ZFHX4: variants seen among roughly 807,000 people sequenced by gnomAD.
ZFHX4 encodes zinc finger homeobox protein 4.
A neutral mutation model predicts 267.6 loss-of-function variants in ZFHX4; 56 were observed. That is an observed-to-expected ratio of 0.21 (90% CI 0.17 to 0.26). The LOEUF (loss-of-function observed/expected upper bound fraction) is 0.26. Ranked by LOEUF, ZFHX4 falls within the 10% of genes least tolerant of loss-of-function variation. The probability of loss-of-function intolerance (pLI) is 1.00; values close to 1 mark genes in which losing one functional copy is unlikely to be tolerated. For missense variants in ZFHX4, 4,332 were observed against 4,420.0 expected (o/e 0.98, Z 0.56); for synonymous variants, 1,778 against 1,665.6 (o/e 1.07, Z -1.64).
Position 76,852,393 on chromosome 8 carries a change from G to A in ZFHX4, c.5472G>A (p.Gln1824=). ...AGCAGCAGCCACCACCTCCACAGCA[G>A]CAGCAGCAACAGCAGGCAAGCAAAT... ...KQQQQPPPPQ[Q]QQQQQASKLL... The change falls in exon 10 of 11, where the codon CAG becomes CAA. Residue 1824 remains glutamine, a synonymous_variant. Transcript: ENST00000651372. The A allele has an allele frequency of 6.4e-7, 1 of 1,554,560 alleles. No homozygotes were observed. The highest frequency in any genetic ancestry group is 1.2e-5 in the South Asian group (1 of 84,366).
At chr8:76,863,053 CTG>C in intron 10 of ZFHX4, 39 bp from the exon 11 acceptor site, 1 of 1,464,582 alleles carries the variant, frequency 6.8e-7, no homozygotes, top group Non-Finnish European at 9.0e-7. Context: ...CGATGTTGGT[CTG>C]TACATTGACA....
chr8:76,786,487 GA>G (rs1563521844), intron 4 of ZFHX4, among the ~76,000 whole-genome samples: 1 of 151,578 alleles, frequency 6.6e-6, no homozygotes. Context: ...GGTTTGATAA[GA>G]CACAAGTCAA....
rs1812674336 is a variant in ZFHX4, at chr8:76,855,054, A to G, written c.8133A>G (p.Pro2711=). The part of the protein sequence containing the change: ...EGKQAGYSLP[P]SPLISTEDGG... Reference sequence around the variant, plus strand: ...AGCAGGCAGGTTACAGCTTGCCACCAAGCCCTTTAATATCCACCGAAGATG... The same window carrying G: ...AGCAGGCAGGTTACAGCTTGCCACCGAGCCCTTTAATATCCACCGAAGATG... Residue 2711 remains proline, a synonymous_variant, in exon 10 of 11, where the codon CCA becomes CCG. Transcript: ENST00000651372. The G allele has an allele frequency of 1.9e-6, 3 of 1,613,966 alleles. No homozygotes were observed. The highest frequency in any genetic ancestry group is 2.5e-6 in the Non-Finnish European group (3 of 1,179,878).
chr8:76,782,456 G>A (rs1810577015), intron 4 of ZFHX4, among the ~76,000 whole-genome samples: 1 of 151,938 alleles, frequency 6.6e-6, no homozygotes, highest in South Asian at 2.1e-4. Context: ...AGTAGAGATG[G>A]AAAGAAATAG....
At chr8:76,763,928 T>G (rs1163201344) in intron 3 of ZFHX4, among the ~76,000 whole-genome samples, 1 of 152,180 alleles carries the variant, frequency 6.6e-6, no homozygotes, top group Non-Finnish European at 1.5e-5. Context: ...TGGATCACAT[T>G]AATTCTGATG....
At chr8:76,735,190 T>C (rs1244165911) in intron 3 of ZFHX4, among the ~76,000 whole-genome samples, 1 of 152,156 alleles carries the variant, frequency 6.6e-6, no homozygotes, top group East Asian at 1.9e-4. Flanking sequence ...GTTCTTATTG[T>C]ACATAAGCAC....
chr8:76,722,863 A>C (rs1037201166), intron 3 of ZFHX4, among the ~76,000 whole-genome samples: 2 of 151,888 alleles, frequency 1.3e-5, no homozygotes, highest in Admixed American at 6.6e-5. Flanking sequence ...TTATTTTTAA[A>C]TTTCTGTAAG....
At chr8:76,860,564 A>G (rs1730434835) in intron 10 of ZFHX4, among the ~76,000 whole-genome samples, 1 of 151,996 alleles carries the variant, frequency 6.6e-6, no homozygotes, top group Non-Finnish European at 1.5e-5. Context: ...ATTTCCTCAG[A>G]TTTAGGGGGG....
At chr8:76,828,195 A>C (rs1007157105) in intron 4 of ZFHX4, among the ~76,000 whole-genome samples, 1 of 152,224 alleles carries the variant, frequency 6.6e-6, no homozygotes, top group African/African-American at 2.4e-5. Flanking sequence ...GATAATAATA[A>C]ATGTTGAATT....
At chr8:76,780,906 A>G (rs904699350) in intron 4 of ZFHX4, among the ~76,000 whole-genome samples, 1 of 152,138 alleles carries the variant, frequency 6.6e-6, no homozygotes, top group Non-Finnish European at 1.5e-5. Context: ...TTACAATAAT[A>G]AAATATATTT....
rs1311621668 is a variant in ZFHX4, at chr8:76,707,456, A to C, written c.2591-90A>C. On this transcript the variant is annotated intron_variant, in intron 2 of 10. Transcript: ENST00000651372. ...ATAGTTTAAGCTCTAGAGAAAGCAC[A>C]TTCCTTGTCAAGACTTTATTTTACA... 7.4e-6 allele frequency: 9 copies of C among 1,220,574 alleles called. No homozygotes were observed. The East Asian group carries it at 1.8e-4, about 24-fold the overall frequency. The allele number at this position is 1,220,574 out of a possible 1,614,324, so 75.6% of individuals were successfully genotyped here. A position where few individuals can be genotyped will look rare whatever the true frequency, so the allele number is the denominator to read the frequency against.
chr8:76,704,020 C>A (rs1585862283), intron 1 of ZFHX4, 23 bp from the exon 2 acceptor site: 1 of 1,450,946 alleles, frequency 6.9e-7, no homozygotes, highest in African/African-American at 1.4e-5. Context: ...AAAATGGCTT[C>A]TCTCACCTTA....
In ZFHX4 at chr8:76,863,354, A is replaced by G; in HGVS notation, c.9640A>G (p.Lys3214Glu). The change falls in exon 11 of 11, where the codon AAA (lysine) becomes GAA (glutamate). Residue 3214 changes from lysine (K) to glutamate (E), a missense_variant. Physicochemically the swap from Lys to Glu is moderately conservative, Grantham distance 56. Coordinates refer to ENST00000651372, the MANE Select transcript of ZFHX4 (RefSeq NM_024721.5). The part of the protein sequence containing the change: ...EEELEATKPE[K>E]HPKKEEKISS... ...GGAATTAGAGGCCACCAAACCCGAA[A>G]AACACCCCAAAAAAGAGGAAAAAAT... The G allele has an allele frequency of 6.2e-7, 1 of 1,613,878 alleles. No individual in the cohort carries two copies. The highest frequency in any genetic ancestry group is 2.2e-5 in the East Asian group (1 of 44,856).
intron 4 of ZFHX4, among the ~76,000 whole-genome samples, chr8:76,783,345 G>A (rs866090492): frequency 1.3e-5 from 2 of 151,840 alleles, no homozygotes; most frequent in African/African-American, 2.4e-5. Flanking sequence ...AATTTTGCTC[G>A]GTTGCTTTCT....
intron 3 of ZFHX4, among the ~76,000 whole-genome samples, chr8:76,739,611 T>G (rs921790474): frequency 9.9e-5 from 15 of 152,020 alleles, no homozygotes; most frequent in African/African-American, 3.1e-4. Flanking sequence ...CCTAAGAATA[T>G]TTTATAGGAT....
At chr8:76,757,790 G>A (rs539453143) in intron 3 of ZFHX4, among the ~76,000 whole-genome samples, 1 of 152,240 alleles carries the variant, frequency 6.6e-6, no homozygotes, top group East Asian at 1.9e-4. Context: ...AGGAGAGAAG[G>A]AAGATTAAAG....
chr8:76,859,925 A>C (rs756400165), intron 10 of ZFHX4, among the ~76,000 whole-genome samples: 2 of 152,128 alleles, frequency 1.3e-5, no homozygotes, highest in Non-Finnish European at 2.9e-5. Context: ...AGAGAAAGAA[A>C]ACCCAACAAA....
chr8:76,812,955 T>C (rs2131848036), intron 4 of ZFHX4, among the ~76,000 whole-genome samples: 1 of 152,288 alleles, frequency 6.6e-6, no homozygotes, highest in Middle Eastern at 3.4e-3. Flanking sequence ...TTATGAATGT[T>C]TAAGATAGTG....
intron 3 of ZFHX4, among the ~76,000 whole-genome samples, chr8:76,774,651 T>G (rs1810357690): frequency 6.6e-6 from 1 of 152,108 alleles, no homozygotes; most frequent in African/African-American, 2.4e-5. Flanking sequence ...TATTTTCTCA[T>G]AAAAATTAGA....
Sources: gnomAD v4.1 joint callset for allele counts (sites outside exome capture counted in the v4.1 genomes callset) on GRCh38, gnomAD v4.1.1 for gene constraint, MANE v1.5 for transcripts, NCBI Gene and HGNC (gene_info 2026-07-23, HGNC 2026-07-21) for gene names.